CSMD3: variants seen among roughly 807,000 people sequenced by gnomAD.
CSMD3 encodes the protein CUB and Sushi multiple domains 3.
A neutral mutation model predicts 435.2 loss-of-function variants in CSMD3; 177 were observed. The ratio of observed to expected loss-of-function variants is 0.41; its 90% CI spans 0.36 to 0.46. The LOEUF (loss-of-function observed/expected upper bound fraction) is 0.46. Among genes scored for constraint, CSMD3 ranks in the 20% least tolerant of loss-of-function variants. The probability of loss-of-function intolerance (pLI) is 0.34; values close to 1 mark genes in which losing one functional copy is unlikely to be tolerated. For missense variants in CSMD3, 4,265 were observed against 4,504.6 expected, an observed-to-expected ratio of 0.95 and a Z score of 1.52; for synonymous variants, 1,656 against 1,520.5, an observed-to-expected ratio of 1.09 and a Z score of -2.07.
At chr8:112,751,629 T>G (rs112751220) in intron 13 of CSMD3, among the ~76,000 whole-genome samples, 50,356 of 133,170 alleles carry the variant, frequency 0.38, 9,789 homozygotes, top group African/African-American at 0.57. Context: ...GAAGTTTAGG[T>G]TTTTTTTTTT....
chr8:112,244,906 CA>C (rs1814566735), intron 64 of CSMD3, among the ~76,000 whole-genome samples: 1 of 151,846 alleles, frequency 6.6e-6, no homozygotes. Flanking sequence ...TCACAAAAAC[CA>C]GCATTTTAAA....
intron 38 of CSMD3, among the ~76,000 whole-genome samples, chr8:112,368,972 T>C (rs1473514418): frequency 6.6e-6 from 1 of 152,172 alleles, no homozygotes; most frequent in Non-Finnish European, 1.5e-5. Flanking sequence ...ATAATGATAA[T>C]AGCATAATGT....
chr8:112,664,311 C>T (rs2075463946), intron 17 of CSMD3, among the ~76,000 whole-genome samples: 1 of 152,018 alleles, frequency 6.6e-6, no homozygotes, highest in Non-Finnish European at 1.5e-5. Context: ...ACATATCATG[C>T]TTTATCATGT....
intron 63 of CSMD3, among the ~76,000 whole-genome samples, chr8:112,252,078 C>T (rs1375380057): frequency 6.6e-6 from 1 of 151,678 alleles, no homozygotes; most frequent in Non-Finnish European, 1.5e-5. Flanking sequence ...AACAAATGAA[C>T]ACATTAAAGA....
intron 35 of CSMD3, among the ~76,000 whole-genome samples, chr8:112,395,787 T>C (rs1830809481): frequency 6.6e-6 from 1 of 152,168 alleles, no homozygotes; most frequent in Non-Finnish European, 1.5e-5. Context: ...GGAGACTGCA[T>C]AGTTTAAGAA....
intron 4 of CSMD3, among the ~76,000 whole-genome samples, chr8:113,166,715 G>GA (rs34419597): frequency 2.0e-5 from 3 of 152,046 alleles, no homozygotes; most frequent in East Asian, 3.9e-4. Context: ...TTTTAATGCT[G>GA]AAAAAATTAA....
At chr8:112,273,311 A>AT (rs1353129920) in intron 59 of CSMD3, among the ~76,000 whole-genome samples, 1 of 152,078 alleles carries the variant, frequency 6.6e-6, no homozygotes, top group Non-Finnish European at 1.5e-5. Flanking sequence ...TCCTCAGCAT[A>AT]TTTCTGTTAC....
intron 16 of CSMD3, among the ~76,000 whole-genome samples, chr8:112,671,461 C>T (rs2075653716): frequency 6.6e-6 from 1 of 152,154 alleles, no homozygotes; most frequent in Admixed American, 6.6e-5. Context: ...TACCCCCTAA[C>T]ATGCTCCAGT....
intron 5 of CSMD3, among the ~76,000 whole-genome samples, chr8:113,027,270 T>C (rs1299424377): frequency 2.0e-5 from 3 of 152,142 alleles, no homozygotes; most frequent in African/African-American, 4.8e-5. Context: ...ATATTGTTCA[T>C]TGCCTCATGT....
At position 112,727,779 on chromosome 8, in the gene CSMD3, T is replaced by A. The variant is rs371176244; in HGVS notation, c.1973-37729A>T. ...TAAGTATATTTTACCCATATCTTAT[T>A]CAAAATGAAGTGGAACAGTAAAATA... On this transcript the variant is annotated intron_variant, in intron 13 of 70. Coordinates refer to ENST00000297405, the MANE Select transcript of CSMD3 (RefSeq NM_198123.2). 2.4e-4 allele frequency among the ~76,000 whole-genome samples: 37 copies of A among 152,010 alleles called. 1 individual carries two copies. Among genetic ancestry groups the A allele is most frequent in the African/African-American group, 7.5e-4 (31 of 41,546 alleles).
At chr8:113,361,554 C>A (rs1209482460) in intron 1 of CSMD3, among the ~76,000 whole-genome samples, 1 of 151,894 alleles carries the variant, frequency 6.6e-6, no homozygotes, top group African/African-American at 2.4e-5. Flanking sequence ...TCATATGTTT[C>A]CAATGGTCAT....
chr8:112,888,780 T>C (rs1445279797), intron 10 of CSMD3, among the ~76,000 whole-genome samples: 1 of 151,644 alleles, frequency 6.6e-6, no homozygotes, highest in East Asian at 2.0e-4. Flanking sequence ...CAGATTTTTC[T>C]TTCCCAGGTG....
At chr8:113,087,823 A>G (rs1213975361) in intron 5 of CSMD3, among the ~76,000 whole-genome samples, 3 of 152,236 alleles carry the variant, frequency 2.0e-5, no homozygotes, top group Non-Finnish European at 4.4e-5. Flanking sequence ...CTAAAACACC[A>G]AAAGCAATGG....
chr8:112,820,853 T>C (rs1258763844), intron 12 of CSMD3, among the ~76,000 whole-genome samples: 1 of 152,076 alleles, frequency 6.6e-6, no homozygotes, highest in Non-Finnish European at 1.5e-5. Flanking sequence ...TGTGTTGTTC[T>C]CCTGCCTGTG....
intron 34 of CSMD3, 49 bp from the exon 35 acceptor site, chr8:112,406,776 C>G (rs1831899442): frequency 8.3e-7 from 1 of 1,210,178 alleles, no homozygotes; most frequent in Non-Finnish European, 1.2e-6. Flanking sequence ...TAGACAAATA[C>G]AGATTTCAAA....
At chr8:112,708,064 T>G (rs1336843665) in intron 13 of CSMD3, among the ~76,000 whole-genome samples, 3 of 152,108 alleles carry the variant, frequency 2.0e-5, no homozygotes, top group Non-Finnish European at 4.4e-5. Context: ...CACAAATGAT[T>G]GTTATTTATT....
At chr8:112,236,673 T>C (rs1213894082) in intron 67 of CSMD3, among the ~76,000 whole-genome samples, 3 of 152,036 alleles carry the variant, frequency 2.0e-5, no homozygotes, top group African/African-American at 7.2e-5. Context: ...TCAAAGATAA[T>C]GAGAGATGTG....
chr8:112,530,085 G>T (rs535288107), intron 27 of CSMD3, among the ~76,000 whole-genome samples: 7 of 151,694 alleles, frequency 4.6e-5, no homozygotes. Flanking sequence ...GCAACTCAAG[G>T]ACACATCATT....
rs2093589952 is a variant in CSMD3, at chr8:113,278,656, C to T, written c.450G>A (p.Val150=). 13 of 1,604,662 alleles carry T rather than the reference C, an allele frequency of 8.1e-6. No individual in the cohort carries two copies. The East Asian group carries it at 2.9e-4, about 36-fold the overall frequency. ...AATCACTGGTCAAACGTAGTGAGAA[C>T]ACAGATTTGGTACTTGTCACTGGAG... ...LPPPVTSTKS[V]FSLRLTSDFA... The change falls in exon 3 of 71, where the codon GTG becomes GTA. Residue 150 remains valine (V), a synonymous_variant. Coordinates refer to ENST00000297405, the MANE Select transcript of CSMD3 (RefSeq NM_198123.2).
Sources: gnomAD v4.1 joint callset for allele counts (sites outside exome capture counted in the v4.1 genomes callset) on GRCh38, gnomAD v4.1.1 for gene constraint, MANE v1.5 for transcripts, NCBI Gene and HGNC (gene_info 2026-07-23, HGNC 2026-07-21) for gene names.